Variants in PPID observed in about 807,000 individuals in gnomAD.
The protein encoded by PPID is peptidyl-prolyl cis-trans isomerase D.
Under a neutral mutation model 48.1 loss-of-function variants are expected in PPID, and 47 were observed. That is an observed-to-expected ratio of 0.98 (90% CI 0.77 to 1.25). PPID has a LOEUF of 1.25. Ranked by LOEUF, PPID falls within the 50% of genes most tolerant of loss-of-function variation. PPID has a pLI of 0.00. For synonymous variants in PPID, 163 were observed against 148.8 expected, an observed-to-expected ratio of 1.10 and a Z score of -0.69; for missense variants, 429 against 443.5, an observed-to-expected ratio of 0.97 and a Z score of 0.29.
intron 8 of PPID, 41 bp downstream of exon 8, chr4:158,710,720 GT>G (rs775768635): frequency 1.2e-6 from 2 of 1,609,148 alleles, no homozygotes; most frequent in Non-Finnish European, 1.7e-6. Flanking sequence ...TATAAAGGTA[GT>G]TGTCTATTTT....
At chr4:158,717,251 G>C (rs775817519) in intron 3 of PPID, 51 bp from the exon 4 acceptor site, 69 of 1,518,598 alleles carry the variant, frequency 4.5e-5, no homozygotes, top group Admixed American at 6.1e-5. Context: ...GTTCTTTTCT[G>C]AATTGTGTGT....
rs925774885 is a variant in PPID at position 158,709,661 on chromosome 4, T to C, written c.*75A>G. 1.8e-6 allele frequency: 2 copies of C among 1,134,304 alleles called. No individual in the cohort carries two copies. Among genetic ancestry groups the C allele is most frequent in the African/African-American group, 3.1e-5 (2 of 64,926 alleles). The allele number at this position is 1,134,304 out of a possible 1,614,324, so 70.3% of individuals were successfully genotyped here. On this transcript the variant is annotated 3_prime_UTR_variant, in exon 10 of 10. Transcript: ENST00000307720. The stretch of plus-strand genomic sequence containing the variant: ...CAAAAGAAACACATTAGGGATCATA[T>C]TCATAGACAAAAACCTTTACATTTT...
rs773510320 is a variant in PPID, at chr4:158,719,223, C to T, written c.290G>A (p.Ser97Asn). 2.7e-5 allele frequency: 43 copies of T among 1,610,982 alleles called. No homozygotes were observed. The highest frequency in any genetic ancestry group is 3.3e-5 in the Non-Finnish European group (39 of 1,177,720). ...FSNQNGTGGE[S>N]IYGEKFEDEN... ...ATCTTCAAATTTTTCACCATAAATACTTTCTCCACCTGTCCCATTCTGATT... is the reference window on the plus strand; with the variant it reads ...ATCTTCAAATTTTTCACCATAAATATTTTCTCCACCTGTCCCATTCTGATT... Residue 97 changes from serine to asparagine, a missense_variant, in exon 3 of 10, where the codon AGT (serine) becomes AAT (asparagine). Coordinates refer to ENST00000307720, the MANE Select transcript of PPID (RefSeq NM_005038.3).
At chr4:158,718,921 G>C (rs1440473592) in intron 3 of PPID, among the ~76,000 whole-genome samples, 1 of 152,214 alleles carries the variant, frequency 6.6e-6, no homozygotes, top group Non-Finnish European at 1.5e-5. Context: ...AATTTTGCCA[G>C]ATGCTGGTCG....
At chr4:158,709,867 C>A (rs775984616) in intron 9 of PPID, 43 bp from the exon 10 acceptor site, 9 of 1,478,994 alleles carry the variant, frequency 6.1e-6, no homozygotes, top group African/African-American at 4.2e-5. Context: ...TCAAAATATC[C>A]AAAAAATTAT....
In PPID at chr4:158,717,153, T is replaced by A. The variant is rs779083576; in HGVS notation, c.381A>T (p.Thr127=). 1 of 1,614,158 alleles carries A rather than the reference T, an allele frequency of 6.2e-7. No individual in the cohort carries two copies. The highest frequency in any genetic ancestry group is 1.1e-5 in the South Asian group (1 of 91,086). Reference sequence around the variant, plus strand: ...TTGTGATAAAAAACTGAGAACCGTTTGTGTTGCGGCCTGCATTTGCCATGC... The same window carrying A: ...TTGTGATAAAAAACTGAGAACCGTTAGTGTTGCGGCCTGCATTTGCCATGC... The part of the protein sequence containing the change: ...LLSMANAGRN[T]NGSQFFITTV... Residue 127 remains threonine, a synonymous_variant, in exon 4 of 10, where the codon ACA becomes ACT. Transcript: ENST00000307720.
At chr4:158,710,589 T>C (rs150759684) in intron 9 of PPID, 39 bp downstream of exon 9, 720 of 1,590,884 alleles carry the variant, frequency 4.5e-4, no homozygotes, top group Middle Eastern at 2.3e-3. Flanking sequence ...AGTATTTAAA[T>C]AACAAAATTA....
chr4:158,713,880 A>G (rs1042083990), intron 6 of PPID, among the ~76,000 whole-genome samples: 6 of 152,202 alleles, frequency 3.9e-5, no homozygotes, highest in African/African-American at 1.4e-4. Context: ...TGACAATAAT[A>G]GCGTACTAAC....
chr4:158,722,213 A>C (rs558025648), intron 1 of PPID, among the ~76,000 whole-genome samples: 103 of 152,382 alleles, frequency 6.8e-4, no homozygotes, highest in Middle Eastern at 3.4e-3. Context: ...ACCATGTAAG[A>C]GATATCATTA....
rs1486092318 is a variant in PPID at position 158,721,360 on chromosome 4, C to T, written c.209G>A (p.Gly70Glu). The T allele has an allele frequency of 1.9e-6, 3 of 1,613,960 alleles. No homozygotes were observed. The African/African-American group carries it at 4.0e-5, about 22-fold the overall frequency. The change falls in exon 2 of 10, where the codon GGA (glycine) becomes GAA (glutamate). Residue 70 changes from glycine (G) to glutamate (E), a missense_variant. Transcript: ENST00000307720. ...ACACATACTTCGATGAAAAGGGCAT[C>T]CTTTGAAATGGAGAGGTTTCCCAGT... ...HTTGKPLHFK[G>E]CPFHRIIKKF... is the part of the protein sequence containing the mutation.
intron 7 of PPID, 114 bp downstream of exon 7, chr4:158,713,005 T>C: frequency 9.1e-7 from 1 of 1,102,536 alleles, no homozygotes. Flanking sequence ...AATGTTTTCT[T>C]AAGCCTCATT....
In PPID at chr4:158,710,788, C is replaced by T. The variant is rs1341211295; in HGVS notation, c.955G>A (p.Gly319Arg). 5 of 1,613,718 alleles carry T rather than the reference C, an allele frequency of 3.1e-6. No individual in the cohort carries two copies. The East Asian group carries it at 6.7e-5, about 22-fold the overall frequency. ...AATGCTTGATCATATTCTTTTAATCCTTGCCATCCTTGAGCTCTGCGGTAC... is the reference window on the plus strand; with the variant it reads ...AATGCTTGATCATATTCTTTTAATCTTTGCCATCCTTGAGCTCTGCGGTAC... The part of the protein sequence containing the change: ...ALYRRAQGWQ[G>R]LKEYDQALAD... The change falls in exon 8 of 10, where the codon GGA becomes AGA. Residue 319 changes from glycine (G) to arginine (R), a missense_variant. Physicochemically the swap from Gly to Arg is moderately radical, Grantham distance 125. Coordinates refer to ENST00000307720, the MANE Select transcript of PPID (RefSeq NM_005038.3).
In PPID at chr4:158,710,893, T is replaced by C. The variant is rs185694838; in HGVS notation, c.895-45A>G. ...TAGTATTTATATCAAAGTATTAAGC[T>C]TATATGCCAGATTTCAATTCATTGC... On this transcript the variant is annotated intron_variant, in intron 7 of 9. Coordinates refer to ENST00000307720, the MANE Select transcript of PPID (RefSeq NM_005038.3). The C allele has an allele frequency of 7.3e-6, 11 of 1,503,480 alleles. No homozygotes were observed. The South Asian group carries it at 1.3e-4, about 17-fold the overall frequency. The allele number at this position is 1,503,480 out of a possible 1,614,324, so 93.1% of individuals were successfully genotyped here. A position where few individuals can be genotyped will look rare whatever the true frequency, so the allele number is the denominator to read the frequency against.
chr4:158,713,204 G>C lies in PPID; in HGVS notation c.809C>G (p.Pro270Arg). The C allele has an allele frequency of 6.2e-7, 1 of 1,613,880 alleles. No individual in the cohort carries two copies. The highest frequency in any genetic ancestry group is 1.1e-5 in the South Asian group (1 of 91,064). ...IETADRAKLQ[P>R]IALSCVLNIG... ...ATTCAGTACACAGCTTAAAGCTATAGGTTGCAGCTTGGCTCTATCTGCTGT... is the reference window on the plus strand; with the variant it reads ...ATTCAGTACACAGCTTAAAGCTATACGTTGCAGCTTGGCTCTATCTGCTGT... The change falls in exon 7 of 10, where the codon CCT (proline) becomes CGT (arginine). Residue 270 changes from proline (P) to arginine (R), a missense_variant. Transcript: ENST00000307720.
In PPID at chr4:158,721,484, C is replaced by A. The variant is rs749725944; in HGVS notation, c.86-1G>T. 8 of 1,611,784 alleles carry A rather than the reference C, an allele frequency of 5.0e-6. No homozygotes were observed. Among genetic ancestry groups the A allele is most frequent in the South Asian group, 1.1e-5 (1 of 90,206 alleles). ...AACAATTCTAAGACAATTCGACCAA[C>A]TAAAAGAAAAGAAAATCTTGTCAGT... On this transcript the variant is annotated splice_acceptor_variant, in intron 1 of 9. Transcript: ENST00000307720. LOFTEE classifies it high-confidence loss of function.
intron 2 of PPID, 71 bp from the exon 3 acceptor site, chr4:158,719,357 G>C (rs1346024010): frequency 1.5e-5 from 15 of 992,248 alleles, no homozygotes; most frequent in Non-Finnish European, 2.4e-5. Context: ...TAATGGATAC[G>C]TACGTAAGAC....
chr4:158,719,144 T>C, intron 3 of PPID, 36 bp downstream of exon 3: 1 of 1,380,658 alleles, frequency 7.2e-7, no homozygotes, highest in Non-Finnish European at 1.0e-6. Context: ...ATAACAATCT[T>C]TTTATCAGCA....
rs962775005 is a variant in PPID, at chr4:158,723,372, C to G, written c.-84G>C. ...GCCCAAACTCCAGAGTCCGTCTCCG[C>G]CGGAGACCGGCAGCGACGCTGACCG... On this transcript the variant is annotated 5_prime_UTR_variant, in exon 1 of 10. Coordinates refer to ENST00000307720, the MANE Select transcript of PPID (RefSeq NM_005038.3). The G allele has an allele frequency of 2.2e-6, 3 of 1,372,526 alleles. No individual in the cohort carries two copies. The highest frequency in any genetic ancestry group is 2.9e-5 in the African/African-American group (2 of 69,228). 85.0% of individuals were successfully genotyped at this position (1,372,526 alleles called of 1,614,324 possible). A position where few individuals can be genotyped will look rare whatever the true frequency, so the allele number is the denominator to read the frequency against.
intron 3 of PPID, among the ~76,000 whole-genome samples, chr4:158,717,723 T>C (rs900444932): frequency 6.6e-6 from 1 of 152,218 alleles, no homozygotes; most frequent in Non-Finnish European, 1.5e-5. Context: ...ACATTCAGTT[T>C]GGTACTTTCC....
Sources: gnomAD v4.1 joint callset for allele counts (sites outside exome capture counted in the v4.1 genomes callset) on GRCh38, gnomAD v4.1.1 for gene constraint, MANE v1.5 for transcripts, NCBI Gene and HGNC (gene_info 2026-07-23, HGNC 2026-07-21) for gene names.